EYS: variants seen among roughly 807,000 people sequenced by gnomAD.
The protein encoded by EYS is protein eyes shut homolog.
Under a neutral mutation model 282.1 loss-of-function variants are expected in EYS, and 250 were observed. The ratio of observed to expected loss-of-function variants is 0.89; its 90% CI spans 0.80 to 0.98. The LOEUF (loss-of-function observed/expected upper bound fraction) is 0.98, where lower values mean the gene tolerates loss of function less well. Among genes scored for constraint, EYS ranks in the 50% least tolerant of loss-of-function variants. EYS has a pLI of 0.00. For synonymous variants in EYS, 1,355 were observed against 1,282.9 expected (o/e 1.06, Z -1.20); for missense variants, 4,016 against 3,709.0 (o/e 1.08, Z -2.15).
chr6:65,357,650 T>A (rs955919454), intron 8 of EYS, among the ~76,000 whole-genome samples: 1 of 152,014 alleles, frequency 6.6e-6, no homozygotes, highest in Non-Finnish European at 1.5e-5. Context: ...ACTTTGGTAA[T>A]ACTATTATGA....
At chr6:64,316,443 T>C (rs1447008826) in intron 29 of EYS, among the ~76,000 whole-genome samples, 2 of 152,028 alleles carry the variant, frequency 1.3e-5, no homozygotes, top group Non-Finnish European at 2.9e-5. Context: ...AGCCAAATCA[T>C]GACTGAACTC....
At chr6:64,451,788 G>C (rs1186724033) in intron 26 of EYS, among the ~76,000 whole-genome samples, 9 of 152,104 alleles carry the variant, frequency 5.9e-5, no homozygotes, top group Non-Finnish European at 1.5e-5. Flanking sequence ...ATGCAGAAAA[G>C]GCTTTTGACA....
chr6:64,995,356 T>C (rs116257286), intron 14 of EYS, among the ~76,000 whole-genome samples: 130 of 152,304 alleles, frequency 8.5e-4, no homozygotes, highest in Admixed American at 3.7e-3. Flanking sequence ...TTATGTGTCT[T>C]TCCCTTTGCT....
chr6:65,050,406 A>AT lies in EYS; in HGVS notation c.2137+7207dup, dbSNP rs545656893. 1.4e-3 allele frequency among the ~76,000 whole-genome samples: 210 copies of AT among 151,502 alleles called. 4 individuals carry two copies. The South Asian group carries it at 0.021, about 15-fold the overall frequency. ...ACTTCAACTATTTAACGAATCGTTT[A>AT]TTTTTTTTCTATTGGATTAATAACT... On this transcript the variant is annotated intron_variant, in intron 13 of 42. Coordinates refer to ENST00000503581, the MANE Select transcript of EYS (RefSeq NM_001142800.2).
chr6:65,611,058 A>G (rs1478505755), intron 2 of EYS, among the ~76,000 whole-genome samples: 1 of 151,982 alleles, frequency 6.6e-6, no homozygotes, highest in African/African-American at 2.4e-5. Flanking sequence ...AAAGGGCACT[A>G]TTAGTTTTGG....
At chr6:64,699,701 T>TA (rs139505034) in intron 22 of EYS, among the ~76,000 whole-genome samples, 4,336 of 151,966 alleles carry the variant, frequency 0.029, 130 homozygotes, top group East Asian at 0.14. Flanking sequence ...GAATTAGCAA[T>TA]AAAAAATCTC....
intron 22 of EYS, among the ~76,000 whole-genome samples, chr6:64,761,748 C>A (rs1773167221): frequency 1.3e-5 from 2 of 152,240 alleles, no homozygotes; most frequent in Non-Finnish European, 2.9e-5. Flanking sequence ...AGCCACCACA[C>A]CTGGCTGATT....
chr6:64,287,101 T>G, intron 30 of EYS, among the ~76,000 whole-genome samples: 1 of 152,148 alleles, frequency 6.6e-6, no homozygotes, highest in East Asian at 1.9e-4. Context: ...TAAAGCTCAA[T>G]TGTTCATTAG....
chr6:64,246,095 AG>A (rs1239142251), intron 30 of EYS, among the ~76,000 whole-genome samples: 1 of 149,606 alleles, frequency 6.7e-6, no homozygotes, highest in African/African-American at 2.4e-5. Flanking sequence ...CTCCATATCC[AG>A]CTAGTTTATT....
intron 22 of EYS, among the ~76,000 whole-genome samples, chr6:64,812,502 C>A (rs1764628447): frequency 6.6e-6 from 1 of 151,178 alleles, no homozygotes. Context: ...CAAAACATGC[C>A]CTAGATATTG....
In EYS at chr6:64,691,275, A is replaced by T. The variant is rs116708372; in HGVS notation, c.3444-65030T>A. Among the ~76,000 whole-genome samples, 1,055 of 152,264 alleles carry T rather than the reference A, an allele frequency of 6.9e-3. 4 individuals are homozygous for T. Among genetic ancestry groups the T allele is most frequent in the Non-Finnish European group, 9.2e-3 (628 of 68,014 alleles). ...GATGACTACTCTCCATCTTCTATTT[A>T]ACATGTTACAAGTCTTAGTCAGTAT... On this transcript the variant is annotated intron_variant, in intron 22 of 42. Coordinates refer to ENST00000503581, the MANE Select transcript of EYS (RefSeq NM_001142800.2).
At chr6:64,962,829 T>C (rs964206542) in intron 14 of EYS, among the ~76,000 whole-genome samples, 2 of 152,154 alleles carry the variant, frequency 1.3e-5, no homozygotes, top group African/African-American at 4.8e-5. Flanking sequence ...GAAGAGTAAG[T>C]ATATCTTAAT....
At chr6:65,328,084 T>C (rs1769675262) in intron 11 of EYS, among the ~76,000 whole-genome samples, 1 of 151,524 alleles carries the variant, frequency 6.6e-6, no homozygotes, top group Non-Finnish European at 1.5e-5. Context: ...TAACATATGC[T>C]GTGACTTTTA....
intron 41 of EYS, among the ~76,000 whole-genome samples, chr6:63,756,494 T>A (rs754978087): frequency 6.6e-6 from 1 of 152,198 alleles, no homozygotes; most frequent in Non-Finnish European, 1.5e-5. Flanking sequence ...TCATGGTGGA[T>A]AAGCTTTTTG....
At chr6:63,895,920 T>G (rs867679793) in intron 35 of EYS, among the ~76,000 whole-genome samples, 8,109 of 149,772 alleles carry the variant, frequency 0.054, 777 homozygotes, top group African/African-American at 0.19. Context: ...TTTTTTTTTT[T>G]TTTTTTTTTT....
At chr6:64,066,134 A>G (rs1015827511) in intron 33 of EYS, among the ~76,000 whole-genome samples, 3 of 152,072 alleles carry the variant, frequency 2.0e-5, no homozygotes, top group African/African-American at 7.2e-5. Context: ...AAAACTAGCC[A>G]GGCGTGGTGG....
At chr6:64,457,631 A>G (rs1248268729) in intron 26 of EYS, among the ~76,000 whole-genome samples, 1 of 151,950 alleles carries the variant, frequency 6.6e-6, no homozygotes, top group Non-Finnish European at 1.5e-5. Context: ...TTTTAACGTC[A>G]TTTTTGAATT....
At chr6:65,485,304 C>T (rs1003936477) in intron 5 of EYS, among the ~76,000 whole-genome samples, 1 of 152,192 alleles carries the variant, frequency 6.6e-6, no homozygotes, top group Non-Finnish European at 1.5e-5. Context: ...TTTTAGAAGA[C>T]TGTCTTCTGA....
Position 64,631,911 on chromosome 6 carries a change from A to G in EYS, c.3444-5666T>C, listed in dbSNP as rs575724089. On this transcript the variant is annotated intron_variant, in intron 22 of 42. Transcript: ENST00000503581. ...TTAATTCAAGTTACATACATTCACT[A>G]AATTCTTATTTGCCTTTGAAATATT... is the stretch of plus-strand genomic sequence containing the variant. 1.6e-3 allele frequency among the ~76,000 whole-genome samples: 244 copies of G among 152,106 alleles called. 2 individuals are homozygous for G. The highest frequency in any genetic ancestry group is 5.8e-3 in the African/African-American group (239 of 41,564).
Sources: allele counts gnomAD v4.1 joint callset (sites outside exome capture counted in the v4.1 genomes callset), GRCh38; gene constraint gnomAD v4.1.1; transcripts MANE v1.5; gene names NCBI Gene and HGNC (gene_info 2026-07-23, HGNC 2026-07-21).